RNF216: variants seen among roughly 807,000 people sequenced by gnomAD.
The protein encoded by RNF216 is ring finger protein 216.
RNF216 carries 72 observed loss-of-function variants against 110.8 expected under a neutral mutation model. That is an observed-to-expected ratio of 0.65 (90% CI 0.54 to 0.79). The LOEUF (loss-of-function observed/expected upper bound fraction) is 0.79. Among genes scored for constraint, RNF216 ranks in the 30% least tolerant of loss-of-function variants. The pLI, the probability that RNF216 is intolerant of heterozygous loss-of-function variation, is 0.00. For synonymous variants in RNF216, 495 were observed against 407.5 expected (o/e 1.21, Z -2.59); for missense variants, 1,342 against 1,141.2 (o/e 1.18, Z -2.54).
intron 3 of RNF216, among the ~76,000 whole-genome samples, chr7:5,746,312 T>C (rs1795027303): frequency 6.6e-6 from 1 of 152,170 alleles, no homozygotes. Context: ...ATGTGGGGGC[T>C]CACAAATCAC....
At chr7:5,656,725 T>C (rs1301302006) in intron 13 of RNF216, among the ~76,000 whole-genome samples, 1 of 152,236 alleles carries the variant, frequency 6.6e-6, no homozygotes, top group Non-Finnish European at 1.5e-5. Context: ...CTTTGCAATA[T>C]AAAGAAAGCA....
intron 13 of RNF216, among the ~76,000 whole-genome samples, chr7:5,695,944 G>T (rs747533081): frequency 6.6e-6 from 1 of 152,182 alleles, no homozygotes; most frequent in African/African-American, 2.4e-5. Flanking sequence ...CCGTCAGAAC[G>T]CATCCAAGGA....
intron 13 of RNF216, among the ~76,000 whole-genome samples, chr7:5,686,645 C>T (rs575678398): frequency 6.6e-6 from 1 of 152,312 alleles, no homozygotes; most frequent in East Asian, 1.9e-4. Context: ...TACATGTGAG[C>T]TGGGTTTGGA....
intron 13 of RNF216, among the ~76,000 whole-genome samples, chr7:5,663,575 C>A (rs972693942): frequency 8.1e-6 from 1 of 123,698 alleles, no homozygotes; most frequent in Non-Finnish European, 1.7e-5. Context: ...CACAGCGAGA[C>A]TCCACCTCAG....
intron 13 of RNF216, among the ~76,000 whole-genome samples, chr7:5,658,978 C>T (rs567437719): frequency 2.0e-5 from 3 of 152,100 alleles, no homozygotes; most frequent in South Asian, 2.1e-4. Context: ...GAGCTTGAGA[C>T]CAAAGACAGA....
rs992576277 is a variant in RNF216 at position 5,624,374 on chromosome 7, C to A, written c.2383-249G>T. On this transcript the variant is annotated intron_variant, in intron 15 of 16. Coordinates refer to ENST00000389902, the MANE Select transcript of RNF216 (RefSeq NM_207111.4). This position sits in a 1 kb window ranked among gnomAD's most constrained non-coding sequence, Gnocchi z 4.4. ...GGCAGAGGGGTCTGAGCATGGCAGG[C>A]AGCTGCCTGGTGAGGTGGGGGGATG... Among the ~76,000 whole-genome samples the A allele has an allele frequency of 6.6e-6, 1 of 152,228 alleles. No homozygotes were observed. The highest frequency in any genetic ancestry group is 1.5e-5 in the Non-Finnish European group (1 of 68,048).
chr7:5,641,368 T>C lies in RNF216; in HGVS notation c.2168A>G (p.Lys723Arg). ...DIKYRTSIEEKMTAARIRKCH... is the reference protein window; with the variant it reads ...DIKYRTSIEERMTAARIRKCH... The stretch of plus-strand genomic sequence containing the variant: ...TTTTCTAATGCGGGCAGCAGTCATT[T>C]TTTCTTCACTGAAATAAGAAAACAT... The change falls in exon 15 of 17, where the codon AAA becomes AGA. Residue 723 changes from lysine (K) to arginine (R), a missense_variant. Transcript: ENST00000389902. The C allele has an allele frequency of 6.2e-7, 1 of 1,612,124 alleles. No individual in the cohort carries two copies.
chr7:5,656,698 T>C lies in RNF216; in HGVS notation c.2062-4188A>G, dbSNP rs1788768353. ...TCAAAATACATTAAGGTGTTTTGGC[T>C]GTTCATGAGGTCTTCACTTTGCAAT... is the stretch of plus-strand genomic sequence containing the variant. On this transcript the variant is annotated intron_variant, in intron 13 of 16. Transcript: ENST00000389902. 2.0e-5 allele frequency among the ~76,000 whole-genome samples: 3 copies of C among 152,252 alleles called. No homozygotes were observed. The East Asian group carries it at 5.8e-4, about 29-fold the overall frequency.
chr7:5,648,931 G>A (rs1443895419), intron 14 of RNF216, among the ~76,000 whole-genome samples: 1 of 152,134 alleles, frequency 6.6e-6, no homozygotes, highest in Non-Finnish European at 1.5e-5. Flanking sequence ...GAACTGTGAA[G>A]TTGGTATGAG....
intron 1 of RNF216, among the ~76,000 whole-genome samples, chr7:5,771,854 C>T (rs1242529922): frequency 6.6e-6 from 1 of 151,900 alleles, no homozygotes; most frequent in Non-Finnish European, 1.5e-5. Context: ...GAATTAACAA[C>T]GGCTGAGTAC....
Position 5,624,771 on chromosome 7 carries a change from G to C in RNF216, c.2383-646C>G, listed in dbSNP as rs1173829641. Among the ~76,000 whole-genome samples the C allele has an allele frequency of 6.6e-6, 1 of 152,198 alleles. No homozygotes were observed. The highest frequency in any genetic ancestry group is 6.5e-5 in the Admixed American group (1 of 15,276). ...CTTGGGTTATCCAAGCCTCAGACAC[G>C]AACCGAAGAGGCACTGTGAGTGCAG... On this transcript the variant is annotated intron_variant, in intron 15 of 16. Transcript: ENST00000389902. The surrounding 1 kb of genome is among the most constrained non-coding windows in gnomAD (Gnocchi z 4.4).
At chr7:5,664,813 G>C (rs1015360524) in intron 13 of RNF216, among the ~76,000 whole-genome samples, 4 of 151,918 alleles carry the variant, frequency 2.6e-5, no homozygotes, top group Non-Finnish European at 5.9e-5. Context: ...CTTTTTTCTT[G>C]AGATGAAGTT....
chr7:5,745,591 T>A (rs1471085985), intron 3 of RNF216, among the ~76,000 whole-genome samples: 1 of 151,824 alleles, frequency 6.6e-6, no homozygotes, highest in Non-Finnish European at 1.5e-5. Flanking sequence ...GGTGATTGAG[T>A]ATAAAATTAA....
intron 1 of RNF216, among the ~76,000 whole-genome samples, chr7:5,769,150 CCT>C (rs1796362921): frequency 6.7e-6 from 1 of 150,312 alleles, no homozygotes; most frequent in African/African-American, 2.5e-5. Context: ...ACGGAGTTCC[CCT>C]CTGTTGCCAG....
chr7:5,765,700 C>G (rs576132463), intron 1 of RNF216, among the ~76,000 whole-genome samples: 39 of 150,550 alleles, frequency 2.6e-4, no homozygotes, highest in South Asian at 6.3e-4. Flanking sequence ...CCCAGTACTT[C>G]GGGCGGCTGA....
intron 14 of RNF216, among the ~76,000 whole-genome samples, chr7:5,641,755 C>T (rs748511754): frequency 1.3e-5 from 2 of 152,060 alleles, no homozygotes; most frequent in East Asian, 3.9e-4. Flanking sequence ...AGAGAACAGG[C>T]TGAGCATGGT....
chr7:5,640,166 G>A (rs552511080), intron 15 of RNF216, among the ~76,000 whole-genome samples: 1 of 151,902 alleles, frequency 6.6e-6, no homozygotes, highest in South Asian at 2.1e-4. Context: ...CAAAAGTGCT[G>A]GCATCACAGG....
chr7:5,759,323 T>C (rs896055943), intron 2 of RNF216, among the ~76,000 whole-genome samples: 1 of 152,166 alleles, frequency 6.6e-6, no homozygotes, highest in Non-Finnish European at 1.5e-5. Flanking sequence ...TTACAGCCAG[T>C]GGAGAACGAA....
chr7:5,768,747 C>T (rs1284171655), intron 1 of RNF216, among the ~76,000 whole-genome samples: 5 of 151,260 alleles, frequency 3.3e-5, no homozygotes, highest in East Asian at 1.9e-4. Context: ...CTGCAAGCTC[C>T]GCCTCCCGGG....
Sources: allele counts gnomAD v4.1 joint callset (sites outside exome capture counted in the v4.1 genomes callset), GRCh38; gene constraint gnomAD v4.1.1; non-coding constraint Gnocchi (gnomAD v3.1); transcripts MANE v1.5; gene names NCBI Gene and HGNC (gene_info 2026-07-23, HGNC 2026-07-21).